TBC1D22A: variants seen among roughly 807,000 people sequenced by gnomAD.
TBC1D22A encodes putative GTPase activator.
Under a neutral mutation model 60.2 loss-of-function variants are expected in TBC1D22A, and 38 were observed. The observed-to-expected ratio is 0.63, with a 90% CI of 0.49 to 0.83. The LOEUF is 0.83. Among genes scored for constraint, TBC1D22A ranks in the 40% least tolerant of loss-of-function variants. TBC1D22A has a pLI of 0.00. For missense variants in TBC1D22A, 628 were observed against 701.0 expected (o/e 0.90, Z 1.18); for synonymous variants, 302 against 281.7 (o/e 1.07, Z -0.72).
intron 9 of TBC1D22A, among the ~76,000 whole-genome samples, chr22:46,988,432 CT>C (rs1331814117): frequency 1.3e-5 from 2 of 152,204 alleles, no homozygotes; most frequent in South Asian, 4.1e-4. Context: ...CAGCTATAGC[CT>C]TATCAAGTAT....
At chr22:47,110,389 A>G (rs2065804445) in intron 11 of TBC1D22A, among the ~76,000 whole-genome samples, 1 of 152,162 alleles carries the variant, frequency 6.6e-6, no homozygotes, top group Admixed American at 6.5e-5. Flanking sequence ...TGAGACAGGA[A>G]CATTGCTTGA....
chr22:46,896,468 T>G (rs777228677), intron 7 of TBC1D22A, among the ~76,000 whole-genome samples: 2 of 152,218 alleles, frequency 1.3e-5, no homozygotes, highest in Non-Finnish European at 2.9e-5. Context: ...TCCAGAAGTT[T>G]TGCTTTTCAC....
At chr22:46,903,100 C>G (rs1489049496) in intron 7 of TBC1D22A, among the ~76,000 whole-genome samples, 3 of 152,196 alleles carry the variant, frequency 2.0e-5, no homozygotes, top group Non-Finnish European at 4.4e-5. Context: ...GGATCTCTCC[C>G]TGGTGCACCT....
At chr22:46,888,893 A>G (rs1282929284) in intron 5 of TBC1D22A, among the ~76,000 whole-genome samples, 1 of 152,114 alleles carries the variant, frequency 6.6e-6, no homozygotes, top group African/African-American at 2.4e-5. Flanking sequence ...TTTAGTAGAG[A>G]TGGGGTTTCA....
intron 4 of TBC1D22A, among the ~76,000 whole-genome samples, chr22:46,837,198 T>C (rs1177024470): frequency 6.6e-6 from 1 of 152,116 alleles, no homozygotes; most frequent in Non-Finnish European, 1.5e-5. Flanking sequence ...CAAGAAGATA[T>C]AACAATTGTG....
chr22:47,148,678 G>A (rs1423955470), intron 12 of TBC1D22A, among the ~76,000 whole-genome samples: 1 of 140,006 alleles, frequency 7.1e-6, no homozygotes, highest in Non-Finnish European at 1.5e-5. Context: ...CTCTCCTGGG[G>A]TCCCTCCCTC....
At chr22:47,077,229 A>G (rs187669789) in intron 11 of TBC1D22A, among the ~76,000 whole-genome samples, 5 of 151,962 alleles carry the variant, frequency 3.3e-5, no homozygotes, top group African/African-American at 1.2e-4. Flanking sequence ...CCATTCCCCA[A>G]CTCTCTGTGT....
At chr22:46,921,237 C>T (rs2070740633) in intron 8 of TBC1D22A, among the ~76,000 whole-genome samples, 1 of 152,130 alleles carries the variant, frequency 6.6e-6, no homozygotes, top group South Asian at 2.1e-4. Context: ...TGACCCTCCT[C>T]CCGCTCTCCA....
chr22:46,927,515 T>G (rs2071116884), intron 8 of TBC1D22A, among the ~76,000 whole-genome samples: 1 of 152,196 alleles, frequency 6.6e-6, no homozygotes, highest in African/African-American at 2.4e-5. Context: ...AAAGACAAAG[T>G]TTTTCCCCTA....
At chr22:46,961,391 C>A (rs1359659025) in intron 8 of TBC1D22A, among the ~76,000 whole-genome samples, 1 of 152,204 alleles carries the variant, frequency 6.6e-6, no homozygotes. Flanking sequence ...AAGACACCAG[C>A]ACCTTAGCTC....
intron 11 of TBC1D22A, among the ~76,000 whole-genome samples, chr22:47,107,017 C>T (rs1370335298): frequency 6.6e-6 from 1 of 152,146 alleles, no homozygotes; most frequent in Non-Finnish European, 1.5e-5. Flanking sequence ...AAGATTAGGT[C>T]AGTGTGTGGT....
At chr22:46,911,679 A>T (rs979072514) in intron 7 of TBC1D22A, among the ~76,000 whole-genome samples, 1 of 152,106 alleles carries the variant, frequency 6.6e-6, no homozygotes, top group African/African-American at 2.4e-5. Context: ...GCACTTTGGG[A>T]GGCTGAGGTG....
intron 9 of TBC1D22A, among the ~76,000 whole-genome samples, chr22:46,979,893 C>T (rs778518458): frequency 1.3e-5 from 2 of 152,086 alleles, no homozygotes; most frequent in Non-Finnish European, 1.5e-5. Context: ...GGCTGGCTAC[C>T]GTCTGAGAAC....
chr22:46,892,635 C>T (rs1339343729), intron 6 of TBC1D22A, among the ~76,000 whole-genome samples: 1 of 152,244 alleles, frequency 6.6e-6, no homozygotes, highest in Admixed American at 6.5e-5. Flanking sequence ...TGCCACTCCA[C>T]TGGTTTTAGG....
At chr22:47,115,212 C>T (rs889917645) in intron 12 of TBC1D22A, among the ~76,000 whole-genome samples, 6 of 152,186 alleles carry the variant, frequency 3.9e-5, no homozygotes, top group African/African-American at 1.4e-4. Context: ...ACTTTGCCAC[C>T]TCCCCTGCCA....
chr22:47,112,531 C>T (rs1400096130), intron 12 of TBC1D22A, among the ~76,000 whole-genome samples: 1 of 152,230 alleles, frequency 6.6e-6, no homozygotes, highest in African/African-American at 2.4e-5. Context: ...ATCCCTATTC[C>T]TTCCGAGGGC....
chr22:47,004,499 AC>A (rs1322753373), intron 10 of TBC1D22A, among the ~76,000 whole-genome samples: 1 of 150,022 alleles, frequency 6.7e-6, no homozygotes, highest in Non-Finnish European at 1.5e-5. Flanking sequence ...ATGCCTATAC[AC>A]ACACACTACT....
At chr22:47,167,558 C>T (rs968891730) in intron 12 of TBC1D22A, among the ~76,000 whole-genome samples, 1 of 152,190 alleles carries the variant, frequency 6.6e-6, no homozygotes, top group Non-Finnish European at 1.5e-5. Flanking sequence ...TCTTGTCCCA[C>T]AGCCAAGAGG....
At position 46,912,106 on chromosome 22, in the gene TBC1D22A, C is replaced by T. The variant is rs2069970888; in HGVS notation, c.933C>T (p.Ile311=). The part of the protein sequence containing the change: ...IFERILFIWA[I]RHPASGYVQG... ...AAAGGATCTTGTTCATATGGGCGATCCGCCACCCAGCCAGTGGATACGTTC... is the reference window on the plus strand; with the variant it reads ...AAAGGATCTTGTTCATATGGGCGATTCGCCACCCAGCCAGTGGATACGTTC... Residue 311 remains isoleucine, a synonymous_variant, in exon 8 of 13, where the codon ATC becomes ATT. Transcript: ENST00000337137. 1 of 1,613,922 alleles carries T rather than the reference C, an allele frequency of 6.2e-7. No individual in the cohort carries two copies. The highest frequency in any genetic ancestry group is 1.3e-5 in the African/African-American group (1 of 75,040).
Sources: gnomAD v4.1 joint callset for allele counts (sites outside exome capture counted in the v4.1 genomes callset) on GRCh38, gnomAD v4.1.1 for gene constraint, MANE v1.5 for transcripts, NCBI Gene and HGNC (gene_info 2026-07-23, HGNC 2026-07-21) for gene names.